The following RBFOX3 variants were observed in gnomAD, a reference collection of about 807,000 sequenced individuals.
RBFOX3 encodes RNA binding protein fox-1 homolog 3.
A neutral mutation model predicts 48.7 loss-of-function variants in RBFOX3; 17 were observed. The ratio of observed to expected loss-of-function variants is 0.35; its 90% CI spans 0.24 to 0.52. The LOEUF (loss-of-function observed/expected upper bound fraction) is 0.52, where lower values mean the gene tolerates loss of function less well. Among genes scored for constraint, RBFOX3 ranks in the 20% least tolerant of loss-of-function variants. The pLI, the probability that RBFOX3 is intolerant of heterozygous loss-of-function variation, is 0.94. For missense variants in RBFOX3, 382 were observed against 497.5 expected, an observed-to-expected ratio of 0.77 and a Z score of 2.21; for synonymous variants, 212 against 209.5, an observed-to-expected ratio of 1.01 and a Z score of -0.10.
intron 4 of RBFOX3, among the ~76,000 whole-genome samples, chr17:79,216,199 C>T (rs1330860884): frequency 1.3e-5 from 2 of 152,252 alleles, no homozygotes; most frequent in Non-Finnish European, 2.9e-5. Flanking sequence ...GTGGGGAGAG[C>T]AGCCCAGCCT....
At chr17:79,180,215 C>T (rs1451946110) in intron 4 of RBFOX3, among the ~76,000 whole-genome samples, 2 of 152,286 alleles carry the variant, frequency 1.3e-5, no homozygotes, top group Non-Finnish European at 2.9e-5. Context: ...AGGAGGGACA[C>T]ACCCCATCCC....
rs149975774 is a variant in RBFOX3, at chr17:79,336,007, G to A, written c.-174-28183C>T. Among the ~76,000 whole-genome samples the A allele has an allele frequency of 5.9e-5, 9 of 152,244 alleles. No homozygotes were observed. In the East Asian group the frequency reaches 1.5e-3, roughly 26 times the overall value. Reference sequence around the variant, plus strand: ...CTGCCTGCGCCGCTTCGTAGACACCGCCCTCCCTCTGTGCTGTTTGCCATG... The same window carrying A: ...CTGCCTGCGCCGCTTCGTAGACACCACCCTCCCTCTGTGCTGTTTGCCATG... On this transcript the variant is annotated intron_variant, in intron 2 of 14. Transcript: ENST00000693108.
chr17:79,228,023 C>A (rs935432830), intron 4 of RBFOX3, among the ~76,000 whole-genome samples: 1 of 152,206 alleles, frequency 6.6e-6, no homozygotes, highest in Non-Finnish European at 1.5e-5. Flanking sequence ...CCTGCAGGGT[C>A]AGAAGGACCC....
intron 1 of RBFOX3, among the ~76,000 whole-genome samples, chr17:79,506,044 C>G (rs1327447309): frequency 6.6e-6 from 1 of 152,312 alleles, no homozygotes. Flanking sequence ...CACATAGATG[C>G]TTATGGCAAA....
intron 3 of RBFOX3, among the ~76,000 whole-genome samples, chr17:79,301,028 T>C (rs932838785): frequency 1.3e-5 from 2 of 152,134 alleles, no homozygotes; most frequent in Admixed American, 1.3e-4. Flanking sequence ...CACCATCACC[T>C]CCTGAAATCT....
intron 2 of RBFOX3, among the ~76,000 whole-genome samples, chr17:79,331,831 G>C (rs948289040): frequency 4.6e-5 from 7 of 152,180 alleles, no homozygotes; most frequent in Non-Finnish European, 1.5e-5. Flanking sequence ...CAGAATCCCA[G>C]TTTTCTTCGA....
chr17:79,397,283 C>T (rs1021752686), intron 2 of RBFOX3, among the ~76,000 whole-genome samples: 3 of 152,124 alleles, frequency 2.0e-5, no homozygotes, highest in African/African-American at 7.2e-5. Context: ...GAGATCGAAA[C>T]CATCCTGGCC....
At chr17:79,273,426 G>T (rs565633076) in intron 3 of RBFOX3, among the ~76,000 whole-genome samples, 2 of 152,300 alleles carry the variant, frequency 1.3e-5, no homozygotes, top group South Asian at 4.2e-4. Context: ...GTTTTAGGGT[G>T]GGGTGGATGG....
intron 3 of RBFOX3, among the ~76,000 whole-genome samples, chr17:79,277,076 CGGT>C (rs1395844704): frequency 2.0e-5 from 3 of 152,224 alleles, no homozygotes; most frequent in Non-Finnish European, 2.9e-5. Flanking sequence ...CCTGGAAGGT[CGGT>C]GGGTGACACT....
intron 1 of RBFOX3, among the ~76,000 whole-genome samples, chr17:79,592,688 C>G (rs952743201): frequency 4.6e-5 from 7 of 152,116 alleles, no homozygotes; most frequent in Non-Finnish European, 1.0e-4. Flanking sequence ...GCTCAGGACA[C>G]CAGGACTCTC....
At chr17:79,149,587 C>T (rs1385461188) in intron 4 of RBFOX3, among the ~76,000 whole-genome samples, 1 of 152,064 alleles carries the variant, frequency 6.6e-6, no homozygotes, top group African/African-American at 2.4e-5. Context: ...TGGACGATTC[C>T]TCCTTCGGGA....
intron 1 of RBFOX3, among the ~76,000 whole-genome samples, chr17:79,571,240 T>C (rs1047149806): frequency 5.1e-4 from 78 of 152,242 alleles, no homozygotes; most frequent in African/African-American, 1.9e-3. Flanking sequence ...GAAGTCAGCA[T>C]TGTGGCTTCC....
intron 1 of RBFOX3, among the ~76,000 whole-genome samples, chr17:79,497,685 C>T (rs1489717256): frequency 6.6e-6 from 1 of 152,146 alleles, no homozygotes; most frequent in Non-Finnish European, 1.5e-5. Flanking sequence ...GGGTAAGGTG[C>T]CAGGTAGGGA....
At chr17:79,216,049 C>T (rs1210041971) in intron 4 of RBFOX3, among the ~76,000 whole-genome samples, 3 of 152,236 alleles carry the variant, frequency 2.0e-5, no homozygotes, top group Admixed American at 1.3e-4. Flanking sequence ...TGTCCCCTGC[C>T]CCCAAGCGTC....
At chr17:79,291,623 G>T (rs1335311845) in intron 3 of RBFOX3, among the ~76,000 whole-genome samples, 7 of 152,216 alleles carry the variant, frequency 4.6e-5, no homozygotes. Context: ...GGTCTGCAGA[G>T]CCGGAATGGC....
At chr17:79,449,652 T>TACACACAC (rs2073088019) in intron 2 of RBFOX3, among the ~76,000 whole-genome samples, 3 of 17,662 alleles carry the variant, frequency 1.7e-4, no homozygotes, top group Non-Finnish European at 5.6e-4. Context: ...CACACACACT[T>TACACACAC]TGAGTCTGGC....
chr17:79,401,263 C>T (rs2062769153), intron 2 of RBFOX3, among the ~76,000 whole-genome samples: 1 of 152,306 alleles, frequency 6.6e-6, no homozygotes, highest in African/African-American at 2.4e-5. Context: ...CCCTGAGCGG[C>T]GGGAGCCACG....
the RBFOX3 span, among the ~76,000 whole-genome samples, chr17:79,655,323 G>A: frequency 6.6e-6 from 1 of 152,200 alleles, no homozygotes; most frequent in Non-Finnish European, 1.5e-5. Context: ...CTGACCAGGT[G>A]ACCTTGAGGC....
At chr17:79,106,101 T>G (rs2077304983) in intron 6 of RBFOX3, among the ~76,000 whole-genome samples, 1 of 152,160 alleles carries the variant, frequency 6.6e-6, no homozygotes. Context: ...TCCCATTGAC[T>G]GTGCATCCGG....
Sources: gnomAD v4.1 joint callset for allele counts (sites outside exome capture counted in the v4.1 genomes callset) on GRCh38, gnomAD v4.1.1 for gene constraint, MANE v1.5 for transcripts, NCBI Gene and HGNC (gene_info 2026-07-23, HGNC 2026-07-21) for gene names.